SNX19: variants seen among roughly 807,000 people sequenced by gnomAD.
The protein encoded by SNX19 is sorting nexin-19.
SNX19 carries 60 observed loss-of-function variants against 85.2 expected under a neutral mutation model. The ratio of observed to expected loss-of-function variants is 0.70; its 90% CI spans 0.57 to 0.87. SNX19 has a LOEUF of 0.87. SNX19 is among the 40% of genes least tolerant of loss of function. SNX19 has a pLI of 0.00. For missense variants in SNX19, 1,201 were observed against 1,217.8 expected (o/e 0.99, Z 0.21); for synonymous variants, 520 against 470.0 (o/e 1.11, Z -1.38).
chr11:130,881,559 ATCT>A (rs1483498845), intron 8 of SNX19, among the ~76,000 whole-genome samples: 1 of 152,202 alleles, frequency 6.6e-6, no homozygotes, highest in Non-Finnish European at 1.5e-5. Context: ...GGACTTAGCG[ATCT>A]TTAAACAAAT....
chr11:130,913,389 C>T (rs1329196934), intron 1 of SNX19, among the ~76,000 whole-genome samples: 1 of 152,206 alleles, frequency 6.6e-6, no homozygotes, highest in Non-Finnish European at 1.5e-5. Flanking sequence ...TGTGTGTTCA[C>T]CCATATGCAT....
chr11:130,914,297 C>G lies in SNX19; in HGVS notation c.1643G>C (p.Gly548Ala). ...TITAREHSGT[G>A]FHPYTLYTVK... The stretch of plus-strand genomic sequence containing the variant: ...AGTATAGAGTGTGTATGGGTGGAAT[C>G]CAGTGCCACTGTGCTCTCGGGCTGT... Residue 548 changes from glycine (G) to alanine (A), a missense_variant, in exon 1 of 11, where the codon GGA (glycine) becomes GCA (alanine). Physicochemically the swap from Gly to Ala is moderately conservative, Grantham distance 60. This residue lies in a region of SNX19 where 791 missense variants were observed against 750.9 expected (regional missense o/e 1.05). Transcript: ENST00000265909. The G allele has an allele frequency of 6.3e-7, 1 of 1,599,084 alleles. No homozygotes were observed. Among genetic ancestry groups the G allele is most frequent in the Non-Finnish European group, 8.5e-7 (1 of 1,172,342 alleles).
At position 130,915,295 on chromosome 11, in the gene SNX19, A is replaced by C; in HGVS notation, c.645T>G (p.Val215=). The C allele has an allele frequency of 2.5e-6, 4 of 1,614,214 alleles. No homozygotes were observed. The highest frequency in any genetic ancestry group is 3.4e-6 in the Non-Finnish European group (4 of 1,180,028). ...PSAEVTYTRG[V]VNLLLQGLVP... ...CCAGCCCTTGAAGCAACAAATTCACAACGCCACGCGTATAGGTGACTTCAG... is the reference window on the plus strand; with the variant it reads ...CCAGCCCTTGAAGCAACAAATTCACCACGCCACGCGTATAGGTGACTTCAG... Residue 215 remains valine, a synonymous_variant, in exon 1 of 11, where the codon GTT becomes GTG. Coordinates refer to ENST00000265909, the MANE Select transcript of SNX19 (RefSeq NM_014758.3).
chr11:130,892,156 T>A (rs1006549132), intron 8 of SNX19, among the ~76,000 whole-genome samples: 1 of 150,360 alleles, frequency 6.7e-6, no homozygotes, highest in Non-Finnish European at 1.5e-5. Flanking sequence ...TCTGAAAGTT[T>A]TCTATGCACA....
chr11:130,884,096 AAT>A (rs1235095721), intron 8 of SNX19, among the ~76,000 whole-genome samples: 3 of 152,088 alleles, frequency 2.0e-5, no homozygotes, highest in Admixed American at 2.0e-4. Flanking sequence ...TCTTCATCCA[AAT>A]ATCTTTCCTC....
At chr11:130,889,027 T>C (rs985466188) in intron 8 of SNX19, among the ~76,000 whole-genome samples, 1 of 152,182 alleles carries the variant, frequency 6.6e-6, no homozygotes, top group Admixed American at 6.5e-5. Context: ...ATGTAATCAG[T>C]TGATACTACA....
At chr11:130,885,780 CA>C (rs1373918475) in intron 8 of SNX19, among the ~76,000 whole-genome samples, 2 of 144,840 alleles carry the variant, frequency 1.4e-5, no homozygotes, top group Non-Finnish European at 3.1e-5. Flanking sequence ...CTTAAGATAC[CA>C]AATACAGTTC....
chr11:130,901,024 A>C (rs577128849), intron 8 of SNX19, among the ~76,000 whole-genome samples: 1 of 152,194 alleles, frequency 6.6e-6, no homozygotes, highest in Non-Finnish European at 1.5e-5. Flanking sequence ...TCCTTAAAGA[A>C]CTAATAGTCT....
chr11:130,871,837 C>T lies in SNX19; in HGVS notation c.*6585G>A, dbSNP rs1199143038. On this transcript the variant is annotated 3_prime_UTR_variant, in exon 11 of 11. Coordinates refer to ENST00000265909, the MANE Select transcript of SNX19 (RefSeq NM_014758.3). ...AAAAAAGACAAAAGTGTGGATGATT[C>T]ATACATTATTCACAAACTTACCTTC... is the stretch of plus-strand genomic sequence containing the variant. Among the ~76,000 whole-genome samples the T allele has an allele frequency of 1.3e-5, 2 of 152,172 alleles. No homozygotes were observed. The highest frequency in any genetic ancestry group is 2.9e-5 in the Non-Finnish European group (2 of 68,028).
intron 7 of SNX19, among the ~76,000 whole-genome samples, chr11:130,904,596 T>C (rs553285626): frequency 5.5e-4 from 84 of 152,250 alleles, no homozygotes; most frequent in Non-Finnish European, 1.0e-3. Context: ...TAGCATTTGC[T>C]TGGAGCTGCC....
At chr11:130,904,744 T>A (rs1257859117) in intron 7 of SNX19, among the ~76,000 whole-genome samples, 1 of 151,674 alleles carries the variant, frequency 6.6e-6, no homozygotes, top group African/African-American at 2.4e-5. Flanking sequence ...CTCTCAGAGA[T>A]AGAAGAAGGG....
chr11:130,880,502 T>G, intron 9 of SNX19, 120 bp downstream of exon 9: 1 of 877,396 alleles, frequency 1.1e-6, no homozygotes, highest in Non-Finnish European at 1.7e-6. Flanking sequence ...GTCAACAGAG[T>G]TTTGAATCTA....
chr11:130,903,687 G>A (rs1395385432), intron 7 of SNX19, among the ~76,000 whole-genome samples: 3 of 143,280 alleles, frequency 2.1e-5, no homozygotes, highest in Non-Finnish European at 4.5e-5. Context: ...ATATATGTGT[G>A]TATATATACA....
intron 8 of SNX19, among the ~76,000 whole-genome samples, chr11:130,884,606 A>T (rs1329156160): frequency 6.6e-6 from 1 of 152,114 alleles, no homozygotes; most frequent in African/African-American, 2.4e-5. Flanking sequence ...AGTGGCTCAC[A>T]CCTGTAATCC....
Position 130,914,728 on chromosome 11 carries a change from G to A in SNX19, c.1212C>T (p.Ala404=), listed in dbSNP as rs765570838. Residue 404 remains alanine, a synonymous_variant, in exon 1 of 11, where the codon GCC becomes GCT. Transcript: ENST00000265909. The part of the protein sequence containing the change: ...LSDRIQDALC[A]LESSQALEPK... The stretch of plus-strand genomic sequence containing the variant: ...GTTCCAGAGCCTGGGAACTCTCTAG[G>A]GCACACAGGGCATCCTGAATCCTGT... The A allele has an allele frequency of 6.2e-7, 1 of 1,614,054 alleles. No homozygotes were observed. Among genetic ancestry groups the A allele is most frequent in the East Asian group, 2.2e-5 (1 of 44,874 alleles).
At chr11:130,911,812 TC>T in intron 1 of SNX19, 41 bp from the exon 2 acceptor site, 1 of 1,600,196 alleles carries the variant, frequency 6.2e-7, no homozygotes, top group Non-Finnish European at 8.5e-7. Flanking sequence ...CAGCCGGGTT[TC>T]AGCAATCTTC....
intron 8 of SNX19, among the ~76,000 whole-genome samples, chr11:130,889,353 C>A (rs1944330339): frequency 6.6e-6 from 1 of 152,062 alleles, no homozygotes; most frequent in African/African-American, 2.4e-5. Flanking sequence ...CATTCATTTA[C>A]TCAAAGCATT....
At position 130,914,699 on chromosome 11, in the gene SNX19, T is replaced by G. The variant is rs1223869757; in HGVS notation, c.1241A>C (p.Lys414Thr). The G allele has an allele frequency of 1.2e-6, 2 of 1,614,028 alleles. No individual in the cohort carries two copies. The highest frequency in any genetic ancestry group is 3.3e-5 in the Admixed American group (2 of 60,018). ...TGCTCCTTCAGATGCCTCACCATCT[T>G]TGGGTTCCAGAGCCTGGGAACTCTC... is the stretch of plus-strand genomic sequence containing the variant. ...ALESSQALEP[K>T]DGEASEGAEA... The change falls in exon 1 of 11, where the codon AAA (lysine) becomes ACA (threonine). Residue 414 changes from lysine (K) to threonine (T), a missense_variant. Physicochemically the swap from Lys to Thr is moderately conservative, Grantham distance 78. Transcript: ENST00000265909.
At position 130,914,447 on chromosome 11, in the gene SNX19, A is replaced by G. The variant is rs1447558081; in HGVS notation, c.1493T>C (p.Leu498Pro). ...TNDVSSLDPT[L>P]PPVLLSSSPP... ...AGAGGAGGAAAGCAGAACTGGTGGC[A>G]GAGTAGGATCAAGGGAGCTCACATC... Residue 498 changes from leucine (L) to proline (P), a missense_variant, in exon 1 of 11, where the codon CTG (leucine) becomes CCG (proline). Leu to Pro is a moderately conservative substitution (Grantham distance 98). Transcript: ENST00000265909. 3 of 1,613,902 alleles carry G rather than the reference A, an allele frequency of 1.9e-6. No individual in the cohort carries two copies. The highest frequency in any genetic ancestry group is 1.7e-4 in the Middle Eastern group (1 of 6,048).
Sources: gnomAD v4.1 joint callset for allele counts (sites outside exome capture counted in the v4.1 genomes callset) on GRCh38, gnomAD v4.1.1 for gene constraint, gnomAD v4.1.1 regional missense constraint, MANE v1.5 for transcripts, NCBI Gene and HGNC (gene_info 2026-07-23, HGNC 2026-07-21) for gene names.